The following RPL37 variants were observed in gnomAD, a reference collection of about 807,000 sequenced individuals.
RPL37 encodes the protein large ribosomal subunit protein eL37.
In RPL37, 1 loss-of-function variant was observed where a neutral mutation model predicts 14.8. The ratio of observed to expected loss-of-function variants is 0.07; its 90% confidence interval spans 0.02 to 0.32. The LOEUF is 0.32. Ranked by LOEUF, RPL37 falls within the 10% of genes least tolerant of loss-of-function variation. The pLI, the probability that RPL37 is intolerant of heterozygous loss-of-function variation, is 1.00. For missense variants in RPL37, 100 were observed against 128.3 expected (o/e 0.78, Z 1.06); for synonymous variants, 53 against 45.8 (o/e 1.16, Z -0.63).
intron 3 of RPL37, among the ~76,000 whole-genome samples, chr5:40,833,383 T>C (rs1379927390): frequency 1.3e-5 from 2 of 152,234 alleles, no homozygotes; most frequent in Non-Finnish European, 2.9e-5. Context: ...GCACCAGCTT[T>C]ATAGTTAAGT....
chr5:40,834,330 A>C, intron 2 of RPL37, 65 bp from the exon 3 acceptor site: 2 of 1,574,524 alleles, frequency 1.3e-6, no homozygotes, highest in Non-Finnish European at 1.7e-6. Context: ...GGTGTTGTTA[A>C]CACACGAGTT....
chr5:40,829,697 A>ATC lies in RPL37; in HGVS notation c.*2805_*2806dup, dbSNP rs1561206776. The ATC allele has an allele frequency of 2.0e-5, 3 of 149,124 alleles. No homozygotes were observed. The highest frequency in any genetic ancestry group is 4.5e-5 in the Non-Finnish European group (3 of 67,104). 9.2% of individuals were successfully genotyped at this position (149,124 alleles called of 1,614,324 possible). ...TGTGTGTATATATATATATATATATATCAACAATATATAATTGTGTCTCAA... is the reference window on the plus strand; with the variant it reads ...TGTGTGTATATATATATATATATATATCTCAACAATATATAATTGTGTCTCAA... On this transcript the variant is annotated 3_prime_UTR_variant, in exon 4 of 4. Coordinates refer to ENST00000274242, the MANE Select transcript of RPL37 (RefSeq NM_000997.5).
chr5:40,835,212 G>T lies in RPL37; in HGVS notation c.-27C>A, dbSNP rs372413205. 2 of 1,613,892 alleles carry T rather than the reference G, an allele frequency of 1.2e-6. No individual in the cohort carries two copies. Among genetic ancestry groups the T allele is most frequent in the Non-Finnish European group, 1.7e-6 (2 of 1,179,920 alleles). On this transcript the variant is annotated 5_prime_UTR_variant, in exon 1 of 4. Coordinates refer to ENST00000274242, the MANE Select transcript of RPL37 (RefSeq NM_000997.5). Reference sequence around the variant, plus strand: ...TCGCTTCTGCGGCCGAGACCAGAAAGACCGGAAGAGAAGGCACTTCCGCTA... The same window carrying T: ...TCGCTTCTGCGGCCGAGACCAGAAATACCGGAAGAGAAGGCACTTCCGCTA...
chr5:40,828,912 T>C lies in RPL37; in HGVS notation c.*3592A>G, dbSNP rs1347518512. 1 of 152,232 alleles carries C rather than the reference T, an allele frequency of 6.6e-6. No homozygotes were observed. Among genetic ancestry groups the C allele is most frequent in the Non-Finnish European group, 1.5e-5 (1 of 68,046 alleles). The allele number at this position is 152,232 out of a possible 1,614,324, so 9.4% of individuals were successfully genotyped here. A position where few individuals can be genotyped will look rare whatever the true frequency, so the allele number is the denominator to read the frequency against. On this transcript the variant is annotated 3_prime_UTR_variant, in exon 4 of 4. Coordinates refer to ENST00000274242, the MANE Select transcript of RPL37 (RefSeq NM_000997.5). ...GAACTTCTCCCTCTCTCCACTTCTGTCTCCAATGGACATCTCCCCAAATCT... is the reference window on the plus strand; with the variant it reads ...GAACTTCTCCCTCTCTCCACTTCTGCCTCCAATGGACATCTCCCCAAATCT...
At position 40,825,976 on chromosome 5, in the gene RPL37, T is replaced by C. The variant is rs1461210999; in HGVS notation, c.*6528A>G. The C allele has an allele frequency of 6.6e-6, 1 of 152,234 alleles. No homozygotes were observed. Among genetic ancestry groups the C allele is most frequent in the Non-Finnish European group, 1.5e-5 (1 of 68,074 alleles). The allele number at this position is 152,234 out of a possible 1,614,324, so 9.4% of individuals were successfully genotyped here. On this transcript the variant is annotated 3_prime_UTR_variant, in exon 4 of 4. Transcript: ENST00000274242. ...CCGCCTCAGAGCCTCCCAAGGCGTGTGGGATTACAGATGTGAGCCTCCGCA... is the reference window on the plus strand; with the variant it reads ...CCGCCTCAGAGCCTCCCAAGGCGTGCGGGATTACAGATGTGAGCCTCCGCA...
At position 40,834,512 on chromosome 5, in the gene RPL37, G is replaced by A. The variant is rs1243526269; in HGVS notation, c.98C>T (p.Thr33Ile). The A allele has an allele frequency of 1.9e-6, 3 of 1,613,888 alleles. No homozygotes were observed. The African/African-American group carries it at 4.0e-5, about 22-fold the overall frequency. ...GGCAGGGTAGCCACATTTGCCACAGGTCGACTTCTGAAGGTGGTAGGCCTT... is the reference window on the plus strand; with the variant it reads ...GGCAGGGTAGCCACATTTGCCACAGATCGACTTCTGAAGGTGGTAGGCCTT... ...GSKAYHLQKS[T>I]CGKCGYPAKR... Residue 33 changes from threonine to isoleucine, a missense_variant, in exon 2 of 4, where the codon ACC becomes ATC. By Grantham distance (89) the Thr-to-Ile change is moderately conservative (BLOSUM62 -1). Transcript: ENST00000274242.
Position 40,834,729 on chromosome 5 carries a change from GC to G in RPL37, c.4-124del, listed in dbSNP as rs1417352544. 7 of 1,142,116 alleles carry G rather than the reference GC, an allele frequency of 6.1e-6. No homozygotes were observed. The African/African-American group carries it at 9.3e-5, about 15-fold the overall frequency. 70.7% of individuals were successfully genotyped at this position (1,142,116 alleles called of 1,614,324 possible). A position where few individuals can be genotyped will look rare whatever the true frequency, so the allele number is the denominator to read the frequency against. On this transcript the variant is annotated intron_variant, in intron 1 of 3. Coordinates refer to ENST00000274242, the MANE Select transcript of RPL37 (RefSeq NM_000997.5). ...CGTAAAGATCGAAACTGCGGGAGAA[GC>G]CTCTTTCCACGAATGCCAAGTCAGA...
rs917852967 is a variant in RPL37 at position 40,831,115 on chromosome 5, T to A, written c.*1389A>T. 1 of 152,132 alleles carries A rather than the reference T, an allele frequency of 6.6e-6. No homozygotes were observed. The highest frequency in any genetic ancestry group is 1.5e-5 in the Non-Finnish European group (1 of 68,014). 9.4% of individuals were successfully genotyped at this position (152,132 alleles called of 1,614,324 possible). On this transcript the variant is annotated 3_prime_UTR_variant, in exon 4 of 4. Coordinates refer to ENST00000274242, the MANE Select transcript of RPL37 (RefSeq NM_000997.5). ...AAAGAATTAGTCGAGTGAATCTCCA[T>A]CTCTACAAAAAACACAAAAATTAGC...
rs774468737 is a variant in RPL37, at chr5:40,834,550, G to C, written c.60C>G (p.Arg20=). The part of the protein sequence containing the change: ...KRRNKTHTLC[R]RCGSKAYHLQ... ...GGTGGTAGGCCTTAGAGCCACAGCG[G>C]CGGCACAACGTGTGCGTCTTATTGC... is the stretch of plus-strand genomic sequence containing the variant. The change falls in exon 2 of 4, where the codon CGC becomes CGG. Residue 20 remains arginine (R), a synonymous_variant. Coordinates refer to ENST00000274242, the MANE Select transcript of RPL37 (RefSeq NM_000997.5). The C allele has an allele frequency of 1.2e-6, 2 of 1,614,190 alleles. No homozygotes were observed. The highest frequency in any genetic ancestry group is 2.2e-5 in the South Asian group (2 of 91,070).
rs1745600106 is a variant in RPL37, at chr5:40,829,785, G to T, written c.*2719C>A. ...TCTCCCAGGTTCAAGCAATTCTCCT[G>T]CCTCAGCCTCCCTAGTAGCTGGGAT... is the stretch of plus-strand genomic sequence containing the variant. On this transcript the variant is annotated 3_prime_UTR_variant, in exon 4 of 4. Coordinates refer to ENST00000274242, the MANE Select transcript of RPL37 (RefSeq NM_000997.5). 6.6e-6 allele frequency: 1 copy of T among 151,892 alleles called. No individual in the cohort carries two copies. Among genetic ancestry groups the T allele is most frequent in the Non-Finnish European group, 1.5e-5 (1 of 68,038 alleles). 9.4% of individuals were successfully genotyped at this position (151,892 alleles called of 1,614,324 possible). A position where few individuals can be genotyped will look rare whatever the true frequency, so the allele number is the denominator to read the frequency against.
Position 40,829,662 on chromosome 5 carries a change from T to C in RPL37, c.*2842A>G, listed in dbSNP as rs1387533860. 4.2e-5 allele frequency: 1 copy of C among 23,984 alleles called. No homozygotes were observed. Among genetic ancestry groups the C allele is most frequent in the African/African-American group, 1.0e-4 (1 of 9,718 alleles). The allele number at this position is 23,984 out of a possible 1,614,324, so 1.5% of individuals were successfully genotyped here. On this transcript the variant is annotated 3_prime_UTR_variant, in exon 4 of 4. Coordinates refer to ENST00000274242, the MANE Select transcript of RPL37 (RefSeq NM_000997.5). ...AAACTCATGCATTTATCCATCATAG[T>C]GTGTGTGTGTGTGTGTATATATATA...
rs749817249 is a variant in RPL37 at position 40,834,455 on chromosome 5, G to GA, written c.139+15dup. 1 of 1,608,836 alleles carries GA rather than the reference G, an allele frequency of 6.2e-7. No individual in the cohort carries two copies. The highest frequency in any genetic ancestry group is 1.7e-4 in the Middle Eastern group (1 of 6,012). ...AAACAAAAGCTAACACAGTTGGCCT[G>GA]AAAAATGTTACTTACACTTTCTCTT... On this transcript the variant is annotated intron_variant, in intron 2 of 3. Transcript: ENST00000274242.
rs988205713 is a variant in RPL37 at position 40,828,888 on chromosome 5, A to T, written c.*3616T>A. 6.6e-6 allele frequency: 1 copy of T among 152,162 alleles called. No individual in the cohort carries two copies. Among genetic ancestry groups the T allele is most frequent in the African/African-American group, 2.4e-5 (1 of 41,428 alleles). 9.4% of individuals were successfully genotyped at this position (152,162 alleles called of 1,614,324 possible). On this transcript the variant is annotated 3_prime_UTR_variant, in exon 4 of 4. Transcript: ENST00000274242. ...CCATACATAAATATGTCAACAAATG[A>T]ACTTCTCCCTCTCTCCACTTCTGTC...
In RPL37 at chr5:40,828,468, T is replaced by C. The variant is rs1194637808; in HGVS notation, c.*4036A>G. ...CTTGCTTCATGAATGAAGGGCACCA[T>C]TTAGTCAATAAAAGGGAACCACAGA... On this transcript the variant is annotated 3_prime_UTR_variant, in exon 4 of 4. Coordinates refer to ENST00000274242, the MANE Select transcript of RPL37 (RefSeq NM_000997.5). 1 of 152,196 alleles carries C rather than the reference T, an allele frequency of 6.6e-6. No homozygotes were observed. The highest frequency in any genetic ancestry group is 6.5e-5 in the Admixed American group (1 of 15,274). 9.4% of individuals were successfully genotyped at this position (152,196 alleles called of 1,614,324 possible).
rs1249169384 is a variant in RPL37 at position 40,826,505 on chromosome 5, C to A, written c.*5999G>T. ...AAGTGCTCAATTCAGCCTTCTTGGA[C>A]AAAGGAGTTACTACCTTCTACTTTG... On this transcript the variant is annotated 3_prime_UTR_variant, in exon 4 of 4. Coordinates refer to ENST00000274242, the MANE Select transcript of RPL37 (RefSeq NM_000997.5). 2 of 149,890 alleles carry A rather than the reference C, an allele frequency of 1.3e-5. No homozygotes were observed. Among genetic ancestry groups the A allele is most frequent in the East Asian group, 3.9e-4 (2 of 5,134 alleles). 9.3% of individuals were successfully genotyped at this position (149,890 alleles called of 1,614,324 possible).
chr5:40,828,235 C>T lies in RPL37; in HGVS notation c.*4269G>A, dbSNP rs1745559199. 6.6e-6 allele frequency: 1 copy of T among 152,190 alleles called. No individual in the cohort carries two copies. Among genetic ancestry groups the T allele is most frequent in the Non-Finnish European group, 1.5e-5 (1 of 68,032 alleles). 9.4% of individuals were successfully genotyped at this position (152,190 alleles called of 1,614,324 possible). On this transcript the variant is annotated 3_prime_UTR_variant, in exon 4 of 4. Coordinates refer to ENST00000274242, the MANE Select transcript of RPL37 (RefSeq NM_000997.5). ...CAACTTAACCAACCTTCTAAAGGTT[C>T]CTCCATCCCCACTGTCTATTACGCT...
At chr5:40,834,119 G>T in intron 3 of RPL37, 62 bp downstream of exon 3, 2 of 1,143,102 alleles carry the variant, frequency 1.7e-6, no homozygotes, top group Non-Finnish European at 2.7e-6. Context: ...CTTTTTACAA[G>T]TAAACACGAG....
intron 1 of RPL37, among the ~76,000 whole-genome samples, chr5:40,834,831 C>G (rs1467508585): frequency 6.6e-6 from 1 of 152,126 alleles, no homozygotes; most frequent in African/African-American, 2.4e-5. Context: ...CTTATCTTTA[C>G]AGACTCCGGC....
At chr5:40,832,874 A>G (rs1416701712) in intron 3 of RPL37, 4 of 418,480 alleles carry the variant, frequency 9.6e-6, no homozygotes, top group African/African-American at 2.0e-5. Flanking sequence ...ATCACAGATT[A>G]TTTGTGAAAA....
Sources: gnomAD v4.1 joint callset for allele counts (sites outside exome capture counted in the v4.1 genomes callset) on GRCh38, gnomAD v4.1.1 for gene constraint, MANE v1.5 for transcripts, NCBI Gene and HGNC (gene_info 2026-07-23, HGNC 2026-07-21) for gene names.